ZNF226: variants seen among roughly 807,000 people sequenced by gnomAD.
The protein encoded by ZNF226 is zinc finger protein 226, also known as Kruppel-associated box protein.
ZNF226 carries 6 observed loss-of-function variants against 11.4 expected under a neutral mutation model. The observed-to-expected ratio is 0.53, with a 90% confidence interval of 0.29 to 1.04. The LOEUF (loss-of-function observed/expected upper bound fraction) is 1.04. ZNF226 is among the 50% of genes least tolerant of loss of function. The pLI, the probability that ZNF226 is intolerant of heterozygous loss-of-function variation, is 0.08. For missense variants in ZNF226, 1,058 were observed against 956.5 expected, an observed-to-expected ratio of 1.11 and a Z score of -1.40; for synonymous variants, 350 against 322.8, an observed-to-expected ratio of 1.08 and a Z score of -0.90.
At chr19:44,185,722 G>A in the ZNF226 span, among the ~76,000 whole-genome samples, 1 of 152,016 alleles carries the variant, frequency 6.6e-6, no homozygotes, top group Non-Finnish European at 1.5e-5. Flanking sequence ...TTTTCACTCT[G>A]TTGATTGTTT....
rs779662036 is a variant in ZNF226, at chr19:44,177,613, A to G, written c.2351A>G (p.Lys784Arg). ...HRIHVGDKSY[K>R]SNRGGKNIRE... ...ATCCATGTTGGTGATAAATCCTATAAAAGTAATAGGGGTGGTAAGAACATC... is the reference window on the plus strand; with the variant it reads ...ATCCATGTTGGTGATAAATCCTATAGAAGTAATAGGGGTGGTAAGAACATC... The change falls in exon 6 of 6, where the codon AAA becomes AGA. Residue 784 changes from lysine to arginine, a missense_variant. Lys to Arg is a conservative substitution (Grantham distance 26). Transcript: ENST00000337433. 17 of 1,613,676 alleles carry G rather than the reference A, an allele frequency of 1.1e-5. No homozygotes were observed. Among genetic ancestry groups the G allele is most frequent in the Non-Finnish European group, 1.4e-5 (17 of 1,179,780 alleles).
At chr19:44,184,792 T>C in the ZNF226 span, among the ~76,000 whole-genome samples, 23 of 152,292 alleles carry the variant, frequency 1.5e-4, no homozygotes, top group East Asian at 4.2e-3. Context: ...ATTTACCATC[T>C]TAACCATATT....
chr19:44,182,429 C>A (rs1398221852), downstream of ZNF226, among the ~76,000 whole-genome samples: 1 of 152,186 alleles, frequency 6.6e-6, no homozygotes, highest in African/African-American at 2.4e-5. Context: ...TGCCAGACAG[C>A]AGTGCGGGGG....
At chr19:44,179,161 TAG>T (rs1970868834), downstream of ZNF226, among the ~76,000 whole-genome samples, 1 of 152,044 alleles carries the variant, frequency 6.6e-6, no homozygotes, top group South Asian at 2.1e-4. Flanking sequence ...GCCTGGGCGA[TAG>T]AGTGAGACTC....
chr19:44,186,899 G>A, the ZNF226 span, among the ~76,000 whole-genome samples: 1 of 148,552 alleles, frequency 6.7e-6, no homozygotes, highest in Non-Finnish European at 1.5e-5. Flanking sequence ...ATCATGAAAG[G>A]CCCTTTATTT....
chr19:44,177,817 C>G (rs888238403), downstream of ZNF226: 5 of 956,810 alleles, frequency 5.2e-6, no homozygotes, highest in East Asian at 2.7e-5. Flanking sequence ...CTTCTTTAGT[C>G]AGAACCTTGA....
rs1320915249 is a variant in ZNF226 at position 44,175,742 on chromosome 19, G to A, written c.480G>A (p.Gly160=). Reference sequence around the variant, plus strand: ...AAGCAGATGGTCCCAATAATACTGGGAATCCAGAGTTTCCTATCTTGAGAA... The same window carrying A: ...AAGCAGATGGTCCCAATAATACTGGAAATCCAGAGTTTCCTATCTTGAGAA... The part of the protein sequence containing the change: ...VNKADGPNNT[G]NPEFPILRTQ... Residue 160 remains glycine, a synonymous_variant, in exon 6 of 6, where the codon GGG becomes GGA. Transcript: ENST00000337433. 5 of 1,612,730 alleles carry A rather than the reference G, an allele frequency of 3.1e-6. No homozygotes were observed. The highest frequency in any genetic ancestry group is 2.2e-5 in the East Asian group (1 of 44,884).
At chr19:44,187,196 ATTC>A in the ZNF226 span, among the ~76,000 whole-genome samples, 1 of 151,842 alleles carries the variant, frequency 6.6e-6, no homozygotes, top group Non-Finnish European at 1.5e-5. This position sits in a 1 kb window ranked among gnomAD's most constrained non-coding sequence, Gnocchi z 4.0. Flanking sequence ...TTGTATGTTA[ATTC>A]TTCTTTAAAT....
At chr19:44,182,217 C>T (rs1340540524), downstream of ZNF226, among the ~76,000 whole-genome samples, 1 of 152,224 alleles carries the variant, frequency 6.6e-6, no homozygotes, top group African/African-American at 2.4e-5. Flanking sequence ...TATAGAATTT[C>T]TCGACCTTGG....
At chr19:44,172,989 T>C (rs1399074903) in intron 5 of ZNF226, 37 bp downstream of exon 5, 3 of 1,540,060 alleles carry the variant, frequency 1.9e-6, no homozygotes, top group Middle Eastern at 1.7e-4. Flanking sequence ...TATAGTTAAC[T>C]GTCCATCTGC....
the ZNF226 span, among the ~76,000 whole-genome samples, chr19:44,198,885 A>C: frequency 2.6e-5 from 4 of 152,034 alleles, no homozygotes; most frequent in Non-Finnish European, 5.9e-5. Context: ...GCTCACTGCA[A>C]CCTCCACCTC....
chr19:44,194,116 G>A, the ZNF226 span, among the ~76,000 whole-genome samples: 1 of 152,166 alleles, frequency 6.6e-6, no homozygotes, highest in Admixed American at 6.5e-5. Context: ...GTTTTCCCTG[G>A]TTGTGTAGAA....
intron 5 of ZNF226, chr19:44,175,069 A>G: frequency 1.2e-6 from 2 of 1,608,462 alleles, no homozygotes; most frequent in South Asian, 1.1e-5. Flanking sequence ...GTTGGAAGTC[A>G]TTTATATATG....
chr19:44,198,641 C>T, the ZNF226 span, among the ~76,000 whole-genome samples: 1 of 152,088 alleles, frequency 6.6e-6, no homozygotes, highest in Non-Finnish European at 1.5e-5. Flanking sequence ...AAGGTCAATC[C>T]TGTGTTTGCA....
At chr19:44,178,720 A>G (rs1470414085), downstream of ZNF226, among the ~76,000 whole-genome samples, 1 of 152,216 alleles carries the variant, frequency 6.6e-6, no homozygotes, top group Non-Finnish European at 1.5e-5. Flanking sequence ...TCTGGAATTC[A>G]TAGAATAGGA....
In ZNF226 at chr19:44,172,168, G is replaced by T; in HGVS notation, c.96G>T (p.Leu32=). Residue 32 remains leucine, a synonymous_variant, in exon 4 of 6, where the codon CTG becomes CTT. Coordinates refer to ENST00000337433, the MANE Select transcript of ZNF226 (RefSeq NM_001032373.2). ...TGCTGGGCCCTGCCCAGAGGAAGCT[G>T]TACCGAGATGTGATGGTGGAGAACT... ...LGLLGPAQRK[L]YRDVMVENFR... is the part of the protein sequence containing the mutation. The T allele has an allele frequency of 6.2e-7, 1 of 1,613,040 alleles. No homozygotes were observed. Among genetic ancestry groups the T allele is most frequent in the East Asian group, 2.2e-5 (1 of 44,814 alleles).
intron 3 of ZNF226, 110 bp from the exon 4 acceptor site, chr19:44,171,978 G>A (rs1970147957): frequency 1.4e-6 from 2 of 1,453,522 alleles, no homozygotes; most frequent in African/African-American, 1.4e-5. Context: ...GAAGGGCTGG[G>A]AAATCTACAA....
Position 44,176,430 on chromosome 19 carries a change from C to A in ZNF226, c.1168C>A (p.Pro390Thr). The change falls in exon 6 of 6, where the codon CCA (proline) becomes ACA (threonine). Residue 390 changes from proline to threonine, a missense_variant. Coordinates refer to ENST00000337433, the MANE Select transcript of ZNF226 (RefSeq NM_001032373.2). ...TCAGAGACTCCACACTGGGGAGAAGCCATTCAAATGTGATGCATGTGGTAA... is the reference window on the plus strand; with the variant it reads ...TCAGAGACTCCACACTGGGGAGAAGACATTCAAATGTGATGCATGTGGTAA... ...DHQRLHTGEK[P>T]FKCDACGKSF... is the part of the protein sequence containing the mutation. 1 of 1,614,030 alleles carries A rather than the reference C, an allele frequency of 6.2e-7. No individual in the cohort carries two copies. The highest frequency in any genetic ancestry group is 8.5e-7 in the Non-Finnish European group (1 of 1,179,982).
intron 2 of ZNF226, among the ~76,000 whole-genome samples, chr19:44,169,819 A>G (rs1180213717): frequency 6.6e-6 from 1 of 152,246 alleles, no homozygotes; most frequent in Non-Finnish European, 1.5e-5. Flanking sequence ...AATTACAGGC[A>G]CATGGGCAGT....
Sources: allele counts gnomAD v4.1 joint callset (sites outside exome capture counted in the v4.1 genomes callset), GRCh38; gene constraint gnomAD v4.1.1; non-coding constraint Gnocchi (gnomAD v3.1); transcripts MANE v1.5; gene names NCBI Gene and HGNC (gene_info 2026-07-23, HGNC 2026-07-21).